SGK1: variants seen among roughly 807,000 people sequenced by gnomAD.
SGK1 encodes the protein serine/threonine-protein kinase Sgk1.
Under a neutral mutation model 64.2 loss-of-function variants are expected in SGK1, and 26 were observed. The ratio of observed to expected loss-of-function variants is 0.40; its 90% confidence interval spans 0.30 to 0.56. SGK1 has a LOEUF of 0.56. Among genes scored for constraint, SGK1 ranks in the 20% least tolerant of loss-of-function variants. SGK1 has a pLI of 0.38. For missense variants in SGK1, 519 were observed against 645.6 expected, an observed-to-expected ratio of 0.80 and a Z score of 2.12; for synonymous variants, 265 against 239.7, an observed-to-expected ratio of 1.11 and a Z score of -0.98.
chr6:134,182,089 C>A (rs1412675742), intron 3 of SGK1, among the ~76,000 whole-genome samples: 4 of 151,978 alleles, frequency 2.6e-5, no homozygotes, highest in Non-Finnish European at 5.9e-5. Context: ...AACTCCTGAG[C>A]TCAAGTGATC....
chr6:134,192,531 A>G (rs1775531084), intron 3 of SGK1, among the ~76,000 whole-genome samples: 2 of 152,028 alleles, frequency 1.3e-5, no homozygotes, highest in Non-Finnish European at 2.9e-5. Flanking sequence ...AAAATATAGT[A>G]CTATTCTTGC....
intron 2 of SGK1, among the ~76,000 whole-genome samples, chr6:134,252,871 A>C (rs757931971): frequency 6.6e-6 from 1 of 152,178 alleles, no homozygotes; most frequent in Non-Finnish European, 1.5e-5. Flanking sequence ...AGCAATTTGA[A>C]GTACTGTTAT....
At chr6:134,238,934 G>A (rs376380388) in intron 2 of SGK1, among the ~76,000 whole-genome samples, 2 of 152,034 alleles carry the variant, frequency 1.3e-5, no homozygotes, top group Non-Finnish European at 2.9e-5. Flanking sequence ...CATATCGTAG[G>A]GTTTAACTAT....
intron 1 of SGK1, among the ~76,000 whole-genome samples, chr6:134,301,363 C>T (rs574356957): frequency 3.9e-5 from 6 of 152,140 alleles, no homozygotes; most frequent in South Asian, 4.1e-4. Context: ...TTTGAGCCAT[C>T]CCCACATTAT....
chr6:134,206,959 C>A (rs1177416530), intron 3 of SGK1, among the ~76,000 whole-genome samples: 1 of 151,662 alleles, frequency 6.6e-6, no homozygotes, highest in Non-Finnish European at 1.5e-5. Context: ...GGCGCGGTGG[C>A]TCACGCCTGT....
intron 3 of SGK1, among the ~76,000 whole-genome samples, chr6:134,175,222 C>T (rs1043679694): frequency 6.6e-6 from 1 of 152,214 alleles, no homozygotes; most frequent in Non-Finnish European, 1.5e-5. Flanking sequence ...AAGCCGGGTT[C>T]GCAGCGCCGA....
At chr6:134,310,568 C>T (rs76543085) in intron 1 of SGK1, among the ~76,000 whole-genome samples, 3,996 of 152,258 alleles carry the variant, frequency 0.026, 72 homozygotes, top group East Asian at 0.08. Flanking sequence ...ATACATAATG[C>T]AGATACTATA....
chr6:134,232,738 C>A (rs889188414), intron 2 of SGK1, among the ~76,000 whole-genome samples: 1 of 151,602 alleles, frequency 6.6e-6, no homozygotes, highest in Non-Finnish European at 1.5e-5. Flanking sequence ...GTAATCCCAG[C>A]TACCTGGGAG....
chr6:134,191,588 T>G (rs1775510211), intron 3 of SGK1, among the ~76,000 whole-genome samples: 2 of 152,308 alleles, frequency 1.3e-5, no homozygotes, highest in South Asian at 4.1e-4. Context: ...TAAGTCCACC[T>G]ATTATAATAG....
intron 1 of SGK1, among the ~76,000 whole-genome samples, chr6:134,288,388 T>C (rs1777216585): frequency 6.6e-6 from 1 of 152,226 alleles, no homozygotes; most frequent in South Asian, 2.1e-4. Context: ...ACAGGTCTGG[T>C]TGAAGCAGAA....
chr6:134,170,547 A>G, intron 13 of SGK1, 112 bp from the exon 14 acceptor site: 1 of 994,940 alleles, frequency 1.0e-6, no homozygotes, highest in South Asian at 1.7e-5. Flanking sequence ...AACTTCCATA[A>G]TCACCCACTT....
chr6:134,209,653 C>T (rs1324105573), intron 2 of SGK1, among the ~76,000 whole-genome samples: 7 of 151,980 alleles, frequency 4.6e-5, no homozygotes, highest in Non-Finnish European at 7.4e-5. Context: ...TTAGTTTCAC[C>T]GACATTTTCT....
intron 2 of SGK1, among the ~76,000 whole-genome samples, chr6:134,228,123 T>C (rs537018437): frequency 1.3e-5 from 2 of 152,012 alleles, no homozygotes; most frequent in Admixed American, 1.3e-4. Flanking sequence ...GCCCAGCTAA[T>C]TTTTGTATTT....
chr6:134,268,467 T>C (rs1436741374), intron 1 of SGK1, among the ~76,000 whole-genome samples: 5 of 152,074 alleles, frequency 3.3e-5, no homozygotes, highest in African/African-American at 1.2e-4. Context: ...GGCTCATGCC[T>C]GTAATCCCAG....
At chr6:134,246,705 G>A (rs1582739947) in intron 2 of SGK1, among the ~76,000 whole-genome samples, 1 of 152,002 alleles carries the variant, frequency 6.6e-6, no homozygotes, top group Admixed American at 6.6e-5. Context: ...CAATTCTCCT[G>A]CCTCAGCCTC....
intron 2 of SGK1, among the ~76,000 whole-genome samples, chr6:134,210,680 C>T (rs879790020): frequency 2.0e-5 from 3 of 150,870 alleles, no homozygotes; most frequent in African/African-American, 4.9e-5. Context: ...AAAAATTAGC[C>T]GGGCATGGTG....
At chr6:134,257,295 C>T (rs1036787978) in intron 2 of SGK1, among the ~76,000 whole-genome samples, 6 of 152,146 alleles carry the variant, frequency 3.9e-5, no homozygotes, top group Admixed American at 6.5e-5. Context: ...GCCAGCTATT[C>T]GCAAGGCTGA....
chr6:134,178,824 A>G (rs922776972), intron 3 of SGK1, among the ~76,000 whole-genome samples: 3 of 152,134 alleles, frequency 2.0e-5, no homozygotes, highest in South Asian at 2.1e-4. Flanking sequence ...CCACTCCTCC[A>G]AGCGAATTGT....
Position 134,171,628 on chromosome 6 carries a change from G to A in SGK1, c.1167+9C>T. 6.3e-7 allele frequency: 1 copy of A among 1,592,500 alleles called. No homozygotes were observed. Among genetic ancestry groups the A allele is most frequent in the East Asian group, 2.2e-5 (1 of 44,778 alleles). On this transcript the variant is annotated intron_variant, in intron 11 of 13. Coordinates refer to ENST00000367858, the MANE Select transcript of SGK1 (RefSeq NM_001143676.3). ...GGCAGTGTTCCATGGTTCCCAATGT[G>A]CCACTCACCAGGCCATACAGCATCT...
Sources: gnomAD v4.1 joint callset for allele counts (sites outside exome capture counted in the v4.1 genomes callset) on GRCh38, gnomAD v4.1.1 for gene constraint, MANE v1.5 for transcripts, NCBI Gene and HGNC (gene_info 2026-07-23, HGNC 2026-07-21) for gene names.